ROBO2: variants seen among roughly 807,000 people sequenced by gnomAD.
The protein encoded by ROBO2 is roundabout guidance receptor 2.
A neutral mutation model predicts 160.8 loss-of-function variants in ROBO2; 53 were observed. The observed-to-expected ratio is 0.33, with a 90% CI of 0.26 to 0.41. The LOEUF is 0.41. Ranked by LOEUF, ROBO2 falls within the 10% of genes least tolerant of loss-of-function variation. The pLI is 1.00. For missense variants in ROBO2, 1,577 were observed against 1,722.4 expected (o/e 0.92, Z 1.49); for synonymous variants, 664 against 611.7 (o/e 1.09, Z -1.26).
chr3:77,090,518 A>G (rs969789524), intron 1 of ROBO2, among the ~76,000 whole-genome samples: 1 of 151,218 alleles, frequency 6.6e-6, no homozygotes, highest in African/African-American at 2.4e-5. Context: ...ACGCCCGGCT[A>G]ACTTTTTTTG....
chr3:77,180,441 T>TC (rs2080657569), intron 2 of ROBO2, among the ~76,000 whole-genome samples: 2 of 138,474 alleles, frequency 1.4e-5, no homozygotes, highest in South Asian at 4.7e-4. Flanking sequence ...TGTATTTTTT[T>TC]TTTTTTTTTT....
At chr3:76,842,204 G>A (rs7433107) in intron 2 of ROBO2, among the ~76,000 whole-genome samples, 118,133 of 152,164 alleles carry the variant, frequency 0.78, 46,465 homozygotes, top group East Asian at 0.86. Context: ...GATTGAAAAC[G>A]TTATTACGGC....
chr3:77,470,043 A>G (rs1560925639), intron 2 of ROBO2, among the ~76,000 whole-genome samples: 1 of 152,192 alleles, frequency 6.6e-6, no homozygotes, highest in African/African-American at 2.4e-5. Context: ...AGGGACAGCT[A>G]GGAGTTACTT....
At chr3:77,379,739 C>T (rs1013414467) in intron 2 of ROBO2, among the ~76,000 whole-genome samples, 5 of 152,152 alleles carry the variant, frequency 3.3e-5, no homozygotes, top group African/African-American at 1.2e-4. Flanking sequence ...TCAATACACT[C>T]CTTCACTCCC....
chr3:77,051,017 C>A (rs79936043), intron 1 of ROBO2, among the ~76,000 whole-genome samples: 166 of 133,226 alleles, frequency 1.2e-3, no homozygotes, highest in Middle Eastern at 3.8e-3. Context: ...GACCCTGTCT[C>A]AAAAAAAAAA....
At chr3:76,724,203 C>T (rs2093510710) in intron 2 of ROBO2, among the ~76,000 whole-genome samples, 1 of 152,128 alleles carries the variant, frequency 6.6e-6, no homozygotes. Flanking sequence ...CCATCCAGCC[C>T]AAATCCCAAT....
At chr3:77,267,780 GC>G (rs1437301011) in intron 2 of ROBO2, among the ~76,000 whole-genome samples, 1 of 152,074 alleles carries the variant, frequency 6.6e-6, no homozygotes, top group African/African-American at 2.4e-5. Context: ...ATGTTGTAAA[GC>G]CCTAGGGGCG....
intron 2 of ROBO2, among the ~76,000 whole-genome samples, chr3:77,149,375 A>C (rs2150510708): frequency 6.6e-6 from 1 of 152,226 alleles, no homozygotes; most frequent in East Asian, 1.9e-4. Flanking sequence ...ATATGTGTGA[A>C]GATAGTAGTA....
intron 2 of ROBO2, among the ~76,000 whole-genome samples, chr3:76,174,209 T>G (rs1264077656): frequency 1.3e-5 from 2 of 152,194 alleles, no homozygotes; most frequent in Non-Finnish European, 2.9e-5. Flanking sequence ...TTGATGGGGT[T>G]GTTTGCTTTT....
intron 2 of ROBO2, among the ~76,000 whole-genome samples, chr3:76,604,650 C>T (rs1430617911): frequency 6.6e-6 from 1 of 152,104 alleles, no homozygotes; most frequent in South Asian, 2.1e-4. Context: ...TCTGGACCAA[C>T]CTACTCTAGT....
At chr3:75,945,179 A>G (rs73841045) in intron 2 of ROBO2, among the ~76,000 whole-genome samples, 7 of 152,140 alleles carry the variant, frequency 4.6e-5, no homozygotes, top group African/African-American at 1.7e-4. Context: ...GCATTCTAAC[A>G]TAGGGAGACA....
intron 2 of ROBO2, among the ~76,000 whole-genome samples, chr3:76,284,345 T>G (rs1708401002): frequency 6.6e-6 from 1 of 151,978 alleles, no homozygotes; most frequent in Non-Finnish European, 1.5e-5. Context: ...CTTTCCCTGA[T>G]GTTTATGGTA....
chr3:76,834,071 TTTC>T (rs758456969), intron 2 of ROBO2, among the ~76,000 whole-genome samples: 93 of 115,686 alleles, frequency 8.0e-4, no homozygotes, highest in East Asian at 3.1e-3. Context: ...CTTTTCTTTC[TTTC>T]TTTCTTTCTT....
chr3:77,383,408 C>G (rs963926745), intron 2 of ROBO2, among the ~76,000 whole-genome samples: 1 of 151,746 alleles, frequency 6.6e-6, no homozygotes, highest in African/African-American at 2.4e-5. Context: ...TCCATATTTT[C>G]CTATTAATTA....
intron 21 of ROBO2, among the ~76,000 whole-genome samples, chr3:77,616,013 T>A (rs1456136803): frequency 6.6e-6 from 1 of 152,172 alleles, no homozygotes; most frequent in African/African-American, 2.4e-5. Flanking sequence ...AAGAAGTAGA[T>A]AAGAATGACA....
chr3:77,195,548 C>T (rs1239082272), intron 2 of ROBO2, among the ~76,000 whole-genome samples: 5 of 152,126 alleles, frequency 3.3e-5, no homozygotes, highest in Non-Finnish European at 7.4e-5. Flanking sequence ...TTCTTTTTAA[C>T]AATTGGACAT....
At chr3:76,952,044 T>A (rs1268871561) in intron 2 of ROBO2, among the ~76,000 whole-genome samples, 1 of 152,210 alleles carries the variant, frequency 6.6e-6, no homozygotes, top group African/African-American at 2.4e-5. Flanking sequence ...GTGTTTTATT[T>A]TGCCAGTAAT....
chr3:77,603,363 G>T (rs2094467802), intron 20 of ROBO2, among the ~76,000 whole-genome samples: 3 of 152,070 alleles, frequency 2.0e-5, no homozygotes, highest in Admixed American at 1.3e-4. Flanking sequence ...ATACATGAAA[G>T]TCAATTCCAT....
chr3:76,922,327 A>C (rs2076721192), intron 2 of ROBO2, among the ~76,000 whole-genome samples: 1 of 152,118 alleles, frequency 6.6e-6, no homozygotes, highest in Non-Finnish European at 1.5e-5. Flanking sequence ...CTGAATGCCT[A>C]ATGTACAAGT....
Sources: gnomAD v4.1 joint callset for allele counts (sites outside exome capture counted in the v4.1 genomes callset) on GRCh38, gnomAD v4.1.1 for gene constraint, MANE v1.5 for transcripts, NCBI Gene and HGNC (gene_info 2026-07-23, HGNC 2026-07-21) for gene names.